SEC23B: variants seen among roughly 807,000 people sequenced by gnomAD.
SEC23B encodes the protein SEC23 homolog B, COPII component.
In SEC23B, 77 loss-of-function variants were observed where a neutral mutation model predicts 104.3. The observed-to-expected ratio is 0.74, with a 90% CI of 0.61 to 0.89. SEC23B has a LOEUF of 0.89. Among genes scored for constraint, SEC23B ranks in the 40% least tolerant of loss-of-function variants. The pLI is 0.00. For missense variants in SEC23B, 885 were observed against 949.4 expected (o/e 0.93, Z 0.89); for synonymous variants, 338 against 332.5 (o/e 1.02, Z -0.18).
At chr20:18,543,309 A>T (rs2060305804) in intron 14 of SEC23B, 137 bp downstream of exon 14, 1 of 1,084,268 alleles carries the variant, frequency 9.2e-7, no homozygotes, top group East Asian at 2.5e-5. Flanking sequence ...CACGCTGGAC[A>T]TTCTGTTAAA....
chr20:18,530,850 C>T (rs767143895), intron 10 of SEC23B, 47 bp downstream of exon 10: 2 of 1,506,562 alleles, frequency 1.3e-6, no homozygotes, highest in Admixed American at 1.7e-5. Flanking sequence ...CTGTACTGCC[C>T]AGGCTGGTCT....
intron 6 of SEC23B, among the ~76,000 whole-genome samples, chr20:18,525,520 AAATT>A (rs1356559734): frequency 6.6e-6 from 1 of 152,244 alleles, no homozygotes; most frequent in Admixed American, 6.5e-5. Context: ...TGCTGTCTAA[AAATT>A]AATTAAACTG....
At chr20:18,524,796 C>A in intron 5 of SEC23B, 127 bp downstream of exon 5, 3 of 1,197,546 alleles carry the variant, frequency 2.5e-6, no homozygotes, top group South Asian at 1.2e-5. Context: ...TGGCTCAAGC[C>A]ATTGGCCCAC....
rs144755587 is a variant in SEC23B, at chr20:18,522,926, G to A, written c.367-1507G>A. ...CAAAAAAAATTTAAAAATTAGCCGG[G>A]CGTGGTGGTGGGCACCTATAGTCCC... On this transcript the variant is annotated intron_variant, in intron 4 of 19. Transcript: ENST00000650089. Among the ~76,000 whole-genome samples the A allele has an allele frequency of 2.4e-3, 366 of 152,120 alleles. 7 individuals carry two copies. The highest frequency in any genetic ancestry group is 0.02 in the Admixed American group (302 of 15,286).
chr20:18,559,077 T>TGGGGG (rs11481106), intron 19 of SEC23B, among the ~76,000 whole-genome samples: 1 of 91,074 alleles, frequency 1.1e-5, no homozygotes, highest in Non-Finnish European at 2.1e-5. Context: ...GGAAGGTGGT[T>TGGGGG]GGTGGGGGGG....
chr20:18,508,410 T>G (rs920404502), intron 1 of SEC23B: 1 of 152,292 alleles, frequency 6.6e-6, no homozygotes, highest in Admixed American at 6.5e-5. Flanking sequence ...TTTTTTGGCA[T>G]ATTCTCCTGT....
chr20:18,510,316 C>T (rs1236178754), intron 1 of SEC23B, among the ~76,000 whole-genome samples: 1 of 152,284 alleles, frequency 6.6e-6, no homozygotes, highest in African/African-American at 2.4e-5. Flanking sequence ...GTAAACCTCC[C>T]ACTCCTTTGA....
intron 4 of SEC23B, among the ~76,000 whole-genome samples, chr20:18,521,327 G>A (rs980169556): frequency 1.3e-5 from 2 of 152,140 alleles, no homozygotes; most frequent in Non-Finnish European, 2.9e-5. Context: ...GTAATAAAAT[G>A]CATATTGAGA....
At chr20:18,555,197 G>A (rs747429154) in intron 19 of SEC23B, 24 bp downstream of exon 19, 2 of 1,586,220 alleles carry the variant, frequency 1.3e-6, no homozygotes, top group Admixed American at 1.7e-5. Context: ...AGGTATTTGG[G>A]GAGGATGCTA....
At chr20:18,554,117 T>C in intron 17 of SEC23B, 118 bp from the exon 18 acceptor site, 2 of 1,195,980 alleles carry the variant, frequency 1.7e-6, no homozygotes, top group Non-Finnish European at 2.4e-6. Context: ...CTTGTCATTT[T>C]TGATATTAGA....
chr20:18,554,179 G>A, intron 17 of SEC23B, 56 bp from the exon 18 acceptor site: 2 of 1,597,872 alleles, frequency 1.3e-6, no homozygotes, highest in South Asian at 1.1e-5. Context: ...GTCAGTGTCA[G>A]TGAAGGCTGT....
chr20:18,543,787 T>C (rs2122129830), intron 14 of SEC23B, among the ~76,000 whole-genome samples: 1 of 152,290 alleles, frequency 6.6e-6, no homozygotes, highest in Middle Eastern at 3.4e-3. Context: ...GAAGTTACCG[T>C]GGTGCTGTGC....
intron 4 of SEC23B, among the ~76,000 whole-genome samples, chr20:18,522,724 G>A (rs1000056684): frequency 1.4e-4 from 22 of 152,028 alleles, no homozygotes; most frequent in Admixed American, 9.2e-4. Flanking sequence ...GGGTGCAGGC[G>A]GGCTGAGTCC....
At position 18,515,658 on chromosome 20, in the gene SEC23B, A is replaced by G; in HGVS notation, c.288A>G (p.Pro96=). 1.2e-6 allele frequency: 2 copies of G among 1,605,102 alleles called. No individual in the cohort carries two copies. The highest frequency in any genetic ancestry group is 1.7e-6 in the Non-Finnish European group (2 of 1,171,752). Residue 96 remains proline, a synonymous_variant, in exon 4 of 20, where the codon CCA becomes CCG. Coordinates refer to ENST00000650089, the MANE Select transcript of SEC23B (RefSeq NM_006363.6). ...TGTTTCCTTCTTTTCAGTTTCCTCC[A>G]GCTTATGGAGGCATATCTGAGGTGA... The part of the protein sequence containing the change: ...NFCFQRNQFP[P]AYGGISEVNQ...
intron 17 of SEC23B, 101 bp from the exon 18 acceptor site, chr20:18,554,134 C>A: frequency 7.5e-7 from 1 of 1,331,698 alleles, no homozygotes; most frequent in South Asian, 1.2e-5. Context: ...TAGACTTCTT[C>A]ACTAGAAACA....
chr20:18,515,905 C>A (rs112534024), intron 4 of SEC23B, 169 bp downstream of exon 4: 6,730 of 650,618 alleles, frequency 0.01, 67 homozygotes, highest in Middle Eastern at 0.021. Flanking sequence ...GTTTTCAAGT[C>A]CTGACATTAT....
chr20:18,537,417 A>G (rs964528215), intron 12 of SEC23B, among the ~76,000 whole-genome samples: 2 of 151,726 alleles, frequency 1.3e-5, no homozygotes, highest in African/African-American at 2.4e-5. Context: ...GCCATAAAAA[A>G]CGATGAGTTC....
rs779322575 is a variant in SEC23B, at chr20:18,543,148, G to A, written c.1641G>A (p.Trp547Ter). 2 of 1,614,212 alleles carry A rather than the reference G, an allele frequency of 1.2e-6. No homozygotes were observed. Among genetic ancestry groups the A allele is most frequent in the South Asian group, 2.2e-5 (2 of 91,090 alleles). Residue 547 changes from tryptophan (W) to a stop codon, truncating the protein, a stop_gained, in exon 14 of 20, where the codon TGG (tryptophan) becomes TGA (stop). Coordinates refer to ENST00000650089, the MANE Select transcript of SEC23B (RefSeq NM_006363.6). LOFTEE classifies it high-confidence loss of function. ...ESEEGPDVLR[W>*]LDRQLIRLCQ... ...AGGAGGGGCCCGATGTGCTCCGGTG[G>A]CTGGACCGACAACTCATCCGACTGG... is the stretch of plus-strand genomic sequence containing the variant.
chr20:18,521,016 G>A (rs929175850), intron 4 of SEC23B, among the ~76,000 whole-genome samples: 2 of 152,084 alleles, frequency 1.3e-5, no homozygotes, highest in Non-Finnish European at 2.9e-5. Flanking sequence ...CCCGGGCTGC[G>A]GGCATTCCTT....
Sources: gnomAD v4.1 joint callset for allele counts (sites outside exome capture counted in the v4.1 genomes callset) on GRCh38, gnomAD v4.1.1 for gene constraint, MANE v1.5 for transcripts, NCBI Gene and HGNC (gene_info 2026-07-23, HGNC 2026-07-21) for gene names.